THUMPD3: variants seen among roughly 807,000 people sequenced by gnomAD.
THUMPD3 encodes the protein THUMP domain 3 tRNA guanosine methyltransferase.
A neutral mutation model predicts 54.5 loss-of-function variants in THUMPD3; 44 were observed. The observed-to-expected ratio is 0.81, with a 90% CI of 0.63 to 1.04. The LOEUF is 1.04. THUMPD3 is among the 50% of genes least tolerant of loss of function. The probability of loss-of-function intolerance (pLI) is 0.00; values close to 1 mark genes in which losing one functional copy is unlikely to be tolerated. For synonymous variants in THUMPD3, 196 were observed against 201.4 expected (o/e 0.97, Z 0.23); for missense variants, 604 against 601.3 (o/e 1.00, Z -0.05).
At position 9,380,515 on chromosome 3, in the gene THUMPD3, T is replaced by C. The variant is rs1284622469; in HGVS notation, c.1021T>C (p.Trp341Arg). ...TCTTATCTTTTAGGGGGCCACTGAA[T>C]GGTCTGACTGTTTCCATATTGCTGG... ...GAIPIEGATE[W>R]SDCFHIAGDN... Residue 341 changes from tryptophan (W) to arginine (R), a missense_variant, in exon 7 of 10, where the codon TGG (tryptophan) becomes CGG (arginine). Trp to Arg is a moderately radical substitution (Grantham distance 101). Transcript: ENST00000452837. 2.5e-6 allele frequency: 4 copies of C among 1,609,914 alleles called. No homozygotes were observed. In the South Asian group the frequency reaches 4.4e-5, roughly 18 times the overall value.
At chr3:9,365,459 T>G in intron 2 of THUMPD3, 139 bp downstream of exon 2, 1 of 1,056,674 alleles carries the variant, frequency 9.5e-7, no homozygotes, top group East Asian at 2.5e-5. Flanking sequence ...TTACTGCATT[T>G]TCTATTGAGT....
intron 7 of THUMPD3, among the ~76,000 whole-genome samples, chr3:9,381,705 G>A (rs2032911511): frequency 7.9e-6 from 1 of 127,380 alleles, no homozygotes; most frequent in South Asian, 2.5e-4. Flanking sequence ...TACCTTTCTA[G>A]CTTCTGAATA....
At chr3:9,372,634 C>T (rs1365690720) in intron 4 of THUMPD3, among the ~76,000 whole-genome samples, 2 of 151,934 alleles carry the variant, frequency 1.3e-5, no homozygotes, top group Admixed American at 6.6e-5. Context: ...CAAACCAGGA[C>T]ATCATTGCTA....
rs765451527 is a variant in THUMPD3 at position 9,384,620 on chromosome 3, C to G, written c.1456C>G (p.Pro486Ala). 1 of 1,614,156 alleles carries G rather than the reference C, an allele frequency of 6.2e-7. No individual in the cohort carries two copies. Among genetic ancestry groups the G allele is most frequent in the East Asian group, 2.2e-5 (1 of 44,888 alleles). ...RAAVYVLIRT[P>A]QAFVHPSEQD... ...TGCAGTTTACGTTCTGATACGTACA[C>G]CTCAAGCTTTTGTTCATCCTTCAGA... is the stretch of plus-strand genomic sequence containing the variant. The change falls in exon 10 of 10, where the codon CCT (proline) becomes GCT (alanine). Residue 486 changes from proline (P) to alanine (A), a missense_variant. Coordinates refer to ENST00000452837, the MANE Select transcript of THUMPD3 (RefSeq NM_001114092.2).
rs1184321496 is a variant in THUMPD3, at chr3:9,384,979, GA to G, written c.*294del. The G allele has an allele frequency of 3.5e-6, 1 of 282,290 alleles. No individual in the cohort carries two copies. Among genetic ancestry groups the G allele is most frequent in the East Asian group, 8.0e-5 (1 of 12,570 alleles). 17.5% of individuals were successfully genotyped at this position (282,290 alleles called of 1,614,324 possible). On this transcript the variant is annotated 3_prime_UTR_variant, in exon 10 of 10. Transcript: ENST00000452837. ...ACATGGTGAAACCCTGTCTCTACTA[GA>G]AATACAAAAATTAGCCAGGTGTGGT... is the stretch of plus-strand genomic sequence containing the variant.
chr3:9,384,184 G>GTT, intron 8 of THUMPD3, 28 bp from the exon 9 acceptor site: 1 of 1,609,618 alleles, frequency 6.2e-7, no homozygotes, highest in South Asian at 1.1e-5. Flanking sequence ...TTTTGCAAGT[G>GTT]TTTGACTCAT....
chr3:9,382,480 A>T (rs1248083926), intron 7 of THUMPD3, among the ~76,000 whole-genome samples: 2 of 152,110 alleles, frequency 1.3e-5, no homozygotes, highest in Non-Finnish European at 2.9e-5. Flanking sequence ...TTCATCTTGA[A>T]ACAATTACCT....
intron 8 of THUMPD3, 44 bp from the exon 9 acceptor site, chr3:9,384,168 T>G: frequency 6.2e-7 from 1 of 1,600,416 alleles, no homozygotes; most frequent in Non-Finnish European, 8.5e-7. Flanking sequence ...CCTTCTATTT[T>G]GTATCTTTTG....
chr3:9,369,475 C>T (rs894114249), intron 3 of THUMPD3, among the ~76,000 whole-genome samples: 4 of 152,088 alleles, frequency 2.6e-5, no homozygotes, highest in Admixed American at 2.6e-4. Flanking sequence ...TTTGTGTACA[C>T]TGAACCATCA....
chr3:9,379,079 A>G (rs1382968260), intron 6 of THUMPD3, among the ~76,000 whole-genome samples: 2 of 152,172 alleles, frequency 1.3e-5, no homozygotes, highest in African/African-American at 2.4e-5. Context: ...TTATGAATAA[A>G]TTGACAAGGT....
chr3:9,374,021 G>GATACAA, intron 4 of THUMPD3, among the ~76,000 whole-genome samples: 1 of 152,302 alleles, frequency 6.6e-6, no homozygotes, highest in East Asian at 1.9e-4. Flanking sequence ...TCCAGATAGA[G>GATACAA]ATACAAACTA....
chr3:9,372,940 C>G (rs1339750897), intron 4 of THUMPD3, among the ~76,000 whole-genome samples: 2 of 152,124 alleles, frequency 1.3e-5, no homozygotes, highest in Non-Finnish European at 2.9e-5. Context: ...TTCCCCATTC[C>G]TTTTTTTCCT....
chr3:9,374,811 T>C (rs2032333513), intron 5 of THUMPD3, among the ~76,000 whole-genome samples, 165 bp downstream of exon 5: 1 of 152,192 alleles, frequency 6.6e-6, no homozygotes, highest in Non-Finnish European at 1.5e-5. Context: ...TTCTATCCAA[T>C]ATTGACTCCT....
In THUMPD3 at chr3:9,384,820, C is replaced by T; in HGVS notation, c.*132C>T. The T allele has an allele frequency of 9.7e-7, 1 of 1,030,610 alleles. No individual in the cohort carries two copies. Among genetic ancestry groups the T allele is most frequent in the Non-Finnish European group, 1.4e-6 (1 of 713,260 alleles). The allele number at this position is 1,030,610 out of a possible 1,614,324, so 63.8% of individuals were successfully genotyped here. ...GTTTAAGGCTCTTCATCCTGGTTAG[C>T]AAAAGGTGTGAATGTAATGTGATGG... is the stretch of plus-strand genomic sequence containing the variant. On this transcript the variant is annotated 3_prime_UTR_variant, in exon 10 of 10. Coordinates refer to ENST00000452837, the MANE Select transcript of THUMPD3 (RefSeq NM_001114092.2).
At chr3:9,364,858 C>T (rs976780971) in intron 1 of THUMPD3, among the ~76,000 whole-genome samples, 158 bp from the exon 2 acceptor site, 1 of 152,246 alleles carries the variant, frequency 6.6e-6, no homozygotes, top group African/African-American at 2.4e-5. Context: ...TGTTTTACAG[C>T]CTGCACTCTG....
chr3:9,382,073 G>A (rs2032965717), intron 7 of THUMPD3, among the ~76,000 whole-genome samples: 1 of 151,904 alleles, frequency 6.6e-6, no homozygotes, highest in Non-Finnish European at 1.5e-5. Flanking sequence ...ATGAGCCACT[G>A]TGCCCGGCCT....
In THUMPD3 at chr3:9,365,320, G is replaced by A; in HGVS notation, c.252G>A (p.Gln84=). 1 of 1,614,066 alleles carries A rather than the reference G, an allele frequency of 6.2e-7. No individual in the cohort carries two copies. Among genetic ancestry groups the A allele is most frequent in the Non-Finnish European group, 8.5e-7 (1 of 1,179,966 alleles). Residue 84 remains glutamine, a splice_region_variant and synonymous_variant, in exon 2 of 10, where the codon CAG becomes CAA. Transcript: ENST00000452837. ...TCATTTCAGTGGAAAGTCTGGCACA[G>A]GTTTGAATGGAGCAATATTTAAAAT... ...YFVISVESLA[Q]VHCLRSVDNL...
At chr3:9,374,466 G>A (rs771200810) in intron 4 of THUMPD3, 50 bp from the exon 5 acceptor site, 317 of 1,598,710 alleles carry the variant, frequency 2.0e-4, no homozygotes, top group Non-Finnish European at 2.3e-4. Flanking sequence ...ATTACTAAGC[G>A]CAGTTTGAAC....
At position 9,384,294 on chromosome 3, in the gene THUMPD3, C is replaced by T. The variant is rs367884819; in HGVS notation, c.1318C>T (p.Arg440Ter). 1.7e-5 allele frequency: 27 copies of T among 1,614,028 alleles called. No individual in the cohort carries two copies. The highest frequency in any genetic ancestry group is 2.2e-5 in the Non-Finnish European group (26 of 1,180,046). Residue 440 changes from arginine to a stop codon, truncating the protein, a stop_gained, in exon 9 of 10, where the codon CGA becomes TGA. Transcript: ENST00000452837. LOFTEE classifies it high-confidence loss of function. ...MSRVCTPTTGRAVLLTQDTKC... is the reference protein window; with the variant it reads ...MSRVCTPTTG ...CCGTGTCTGCACACCTACCACAGGCCGAGCTGTACTACTTACTCAAGACAC... is the reference window on the plus strand; with the variant it reads ...CCGTGTCTGCACACCTACCACAGGCTGAGCTGTACTACTTACTCAAGACAC...
Sources: gnomAD v4.1 joint callset for allele counts (sites outside exome capture counted in the v4.1 genomes callset) on GRCh38, gnomAD v4.1.1 for gene constraint, MANE v1.5 for transcripts, NCBI Gene and HGNC (gene_info 2026-07-23, HGNC 2026-07-21) for gene names.